NRXN1: variants seen among roughly 807,000 people sequenced by gnomAD.
NRXN1 encodes neurexin-1.
Under a neutral mutation model 150.9 loss-of-function variants are expected in NRXN1, and 39 were observed. The observed-to-expected ratio is 0.26, with a 90% CI of 0.20 to 0.34. The LOEUF (loss-of-function observed/expected upper bound fraction) is 0.34, where lower values mean the gene tolerates loss of function less well. Among genes scored for constraint, NRXN1 ranks in the 10% least tolerant of loss-of-function variants. NRXN1 has a pLI of 1.00. For missense variants in NRXN1, 1,815 were observed against 1,949.9 expected (o/e 0.93, Z 1.30); for synonymous variants, 924 against 757.0 (o/e 1.22, Z -3.62).
intron 8 of NRXN1, among the ~76,000 whole-genome samples, chr2:50,610,618 C>A (rs1251733712): frequency 2.2e-4 from 21 of 95,780 alleles, no homozygotes; most frequent in Non-Finnish European, 3.7e-4. Flanking sequence ...TAGCACAGAG[C>A]CTGGCACATA....
At chr2:50,786,543 C>T (rs1454721309) in intron 5 of NRXN1, among the ~76,000 whole-genome samples, 2 of 152,064 alleles carry the variant, frequency 1.3e-5, no homozygotes, top group African/African-American at 2.4e-5. Context: ...GCCATTATAG[C>T]GCCATCAAGT....
intron 17 of NRXN1, among the ~76,000 whole-genome samples, chr2:50,244,510 G>T (rs551591570): frequency 3.2e-4 from 49 of 151,900 alleles, no homozygotes; most frequent in African/African-American, 9.9e-4. Context: ...AACTAACATA[G>T]AAAACATTTC....
intron 13 of NRXN1, among the ~76,000 whole-genome samples, chr2:50,505,346 G>C (rs769654286): frequency 2.0e-5 from 3 of 152,112 alleles, no homozygotes; most frequent in Non-Finnish European, 2.9e-5. Flanking sequence ...GGGAATATGT[G>C]TGTCCTATCT....
chr2:50,271,993 G>C (rs1036744121), intron 17 of NRXN1, among the ~76,000 whole-genome samples: 2 of 152,016 alleles, frequency 1.3e-5, no homozygotes, highest in East Asian at 1.9e-4. Flanking sequence ...TTCCTCCAAG[G>C]GGGGGTCACA....
intron 18 of NRXN1, among the ~76,000 whole-genome samples, chr2:50,103,485 T>A (rs73932936): frequency 1.2e-3 from 179 of 152,108 alleles, no homozygotes; most frequent in African/African-American, 4.2e-3. Flanking sequence ...AATGCCTGTG[T>A]CCCAAAATGC....
intron 17 of NRXN1, among the ~76,000 whole-genome samples, chr2:50,302,026 T>C (rs1245938042): frequency 6.6e-6 from 1 of 152,110 alleles, no homozygotes; most frequent in East Asian, 1.9e-4. Flanking sequence ...AAAAGGGGAA[T>C]ACTGACAAAC....
intron 18 of NRXN1, among the ~76,000 whole-genome samples, chr2:50,231,365 A>G (rs926420217): frequency 6.6e-6 from 1 of 152,122 alleles, no homozygotes; most frequent in African/African-American, 2.4e-5. Flanking sequence ...TATAATGGAG[A>G]GAAGCAGAGA....
chr2:50,070,062 G>GAC (rs1696011279), intron 19 of NRXN1, among the ~76,000 whole-genome samples: 1 of 151,898 alleles, frequency 6.6e-6, no homozygotes, highest in South Asian at 2.1e-4. Context: ...GTGTTAGCCA[G>GAC]GGTGATTTCG....
intron 2 of NRXN1, among the ~76,000 whole-genome samples, chr2:50,972,613 G>A (rs1320327883): frequency 6.6e-6 from 1 of 152,036 alleles, no homozygotes; most frequent in Non-Finnish European, 1.5e-5. Flanking sequence ...ATCAGTGGGA[G>A]ACTTAGCTTG....
In NRXN1 at chr2:50,113,378, G is replaced by A. The variant is rs114670059; in HGVS notation, c.3547-21884C>T. On this transcript the variant is annotated intron_variant, in intron 18 of 22. Coordinates refer to ENST00000401669, the MANE Select transcript of NRXN1 (RefSeq NM_001330078.2). ...GCACTCCATGTCAAATTGACCTCTG[G>A]CTACCTTGCAATTCCTTAATACATA... Among the ~76,000 whole-genome samples the A allele has an allele frequency of 4.9e-3, 740 of 152,128 alleles. 6 individuals are homozygous for A. The highest frequency in any genetic ancestry group is 0.017 in the African/African-American group (711 of 41,504).
intron 17 of NRXN1, among the ~76,000 whole-genome samples, chr2:50,435,222 C>T (rs1392682299): frequency 6.6e-6 from 1 of 152,144 alleles, no homozygotes; most frequent in African/African-American, 2.4e-5. Flanking sequence ...CTGCCACTCA[C>T]CATCTGTGTT....
intron 5 of NRXN1, among the ~76,000 whole-genome samples, chr2:50,669,008 G>GT (rs1250646668): frequency 6.6e-6 from 1 of 151,954 alleles, no homozygotes; most frequent in African/African-American, 2.4e-5. Context: ...AGGTGATGAA[G>GT]TTTATGGGAT....
At chr2:50,901,815 C>G (rs935820677) in intron 5 of NRXN1, among the ~76,000 whole-genome samples, 19 of 152,140 alleles carry the variant, frequency 1.2e-4, no homozygotes, top group Admixed American at 5.9e-4. Flanking sequence ...TGAATTATAG[C>G]AATAATGTGC....
chr2:50,922,439 C>T, intron 4 of NRXN1: 1 of 620,322 alleles, frequency 1.6e-6, no homozygotes, highest in Non-Finnish European at 2.9e-6. Flanking sequence ...TATTATAATG[C>T]AAGAAATGAA....
At chr2:50,179,226 G>C (rs1406320056) in intron 18 of NRXN1, among the ~76,000 whole-genome samples, 3 of 152,074 alleles carry the variant, frequency 2.0e-5, no homozygotes, top group African/African-American at 7.2e-5. Flanking sequence ...CTTCCAGGGA[G>C]ACGGTAGTAG....
rs72880037 is a variant in NRXN1 at position 50,524,753 on chromosome 2, A to C, written c.2374+3872T>G. ...AGTTTAGTTTTCAAAATTTCAATGT[A>C]TTTACACCTCAAAAGATTATAGGTC... is the stretch of plus-strand genomic sequence containing the variant. On this transcript the variant is annotated intron_variant, in intron 12 of 22. Transcript: ENST00000401669. Among the ~76,000 whole-genome samples, 609 of 152,240 alleles carry C rather than the reference A, an allele frequency of 4.0e-3. 2 individuals carry two copies. The highest frequency in any genetic ancestry group is 0.014 in the African/African-American group (577 of 41,550).
At chr2:50,239,093 C>T (rs1464490823) in intron 17 of NRXN1, among the ~76,000 whole-genome samples, 1 of 151,782 alleles carries the variant, frequency 6.6e-6, no homozygotes, top group Non-Finnish European at 1.5e-5. Context: ...TCCTCAGAAG[C>T]TTGTTCATCA....
intron 17 of NRXN1, among the ~76,000 whole-genome samples, chr2:50,409,373 T>C (rs751897121): frequency 7.2e-5 from 11 of 152,172 alleles, no homozygotes; most frequent in Non-Finnish European, 1.5e-4. Flanking sequence ...CAAAAATCCA[T>C]CTTTTTGTTT....
At chr2:50,669,584 T>A (rs144927961) in intron 5 of NRXN1, among the ~76,000 whole-genome samples, 1 of 151,908 alleles carries the variant, frequency 6.6e-6, no homozygotes, top group Non-Finnish European at 1.5e-5. Flanking sequence ...CAAATTATTT[T>A]GGGTGACACA....
Sources: gnomAD v4.1 joint callset for allele counts (sites outside exome capture counted in the v4.1 genomes callset) on GRCh38, gnomAD v4.1.1 for gene constraint, MANE v1.5 for transcripts, NCBI Gene and HGNC (gene_info 2026-07-23, HGNC 2026-07-21) for gene names.